SKA1: variants seen among roughly 807,000 people sequenced by gnomAD.
SKA1 encodes the protein SKA complex subunit 1.
In SKA1, 20 loss-of-function variants were observed where a neutral mutation model predicts 31.8. The observed-to-expected ratio is 0.63, with a 90% CI of 0.44 to 0.91. The LOEUF (loss-of-function observed/expected upper bound fraction) is 0.91, where lower values mean the gene tolerates loss of function less well. SKA1 is among the 40% of genes least tolerant of loss of function. The pLI, the probability that SKA1 is intolerant of heterozygous loss-of-function variation, is 0.00. For missense variants in SKA1, 253 were observed against 298.2 expected (o/e 0.85, Z 1.12); for synonymous variants, 88 against 100.5 (o/e 0.88, Z 0.74).
chr18:50,382,196 A>T lies in SKA1; in HGVS notation c.281A>T (p.His94Leu), dbSNP rs2041269151. The T allele has an allele frequency of 6.5e-7, 1 of 1,533,620 alleles. No individual in the cohort carries two copies. The highest frequency in any genetic ancestry group is 8.7e-7 in the Non-Finnish European group (1 of 1,148,832). Residue 94 changes from histidine to leucine, a missense_variant, in exon 4 of 7, where the codon CAT (histidine) becomes CTT (leucine). Transcript: ENST00000285116. ...CATCTTAAAGAAAACGTTCCTTCCC[A>T]TTTGCCTCAAGTAACAGTAACCCAG... ...IEHLKENVPS[H>L]LPQVTVTQSC...
rs955238705 is a variant in SKA1, at chr18:50,391,279, C to T, written c.605C>T (p.Thr202Met). The change falls in exon 6 of 7, where the codon ACG becomes ATG. Residue 202 changes from threonine to methionine, a missense_variant. Transcript: ENST00000285116. ...NLYHRFIDEE[T>M]KDTKGRYFIV... The stretch of plus-strand genomic sequence containing the variant: ...TATCACAGATTTATTGATGAAGAAA[C>T]GAAGGATACCAAAGGTAAAATGGCA... 40 of 1,592,006 alleles carry T rather than the reference C, an allele frequency of 2.5e-5. No homozygotes were observed. Among genetic ancestry groups the T allele is most frequent in the Middle Eastern group, 1.7e-4 (1 of 5,976 alleles).
intron 5 of SKA1, among the ~76,000 whole-genome samples, chr18:50,386,900 A>C (rs1036050382): frequency 3.3e-5 from 5 of 152,144 alleles, no homozygotes; most frequent in African/African-American, 9.7e-5. Context: ...CATTGTATGG[A>C]TGTATTGGTT....
intron 5 of SKA1, among the ~76,000 whole-genome samples, chr18:50,390,431 T>C (rs112104072): frequency 2.5e-3 from 384 of 152,336 alleles, no homozygotes; most frequent in Non-Finnish European, 4.4e-3. Flanking sequence ...CCTGTTTTTA[T>C]ATTGTAAGAC....
In SKA1 at chr18:50,385,271, C is replaced by T; in HGVS notation, c.367C>T (p.Pro123Ser). ...ACCAATCAAAGTTGAAGAACCTGAA[C>T]CCGTAAAGAAGCCTCCCAAAGAGCA... Reference protein sequence around the residue: ...EEPIKVEEPEPVKKPPKEQRS... With the variant: ...EEPIKVEEPESVKKPPKEQRS... The change falls in exon 5 of 7, where the codon CCC becomes TCC. Residue 123 changes from proline to serine, a missense_variant. By Grantham distance (74) the Pro-to-Ser change is moderately conservative. Transcript: ENST00000285116. The T allele has an allele frequency of 1.2e-6, 2 of 1,613,448 alleles. No individual in the cohort carries two copies. Among genetic ancestry groups the T allele is most frequent in the East Asian group, 2.2e-5 (1 of 44,792 alleles).
At chr18:50,382,019 C>T (rs2041267702) in intron 3 of SKA1, 110 bp from the exon 4 acceptor site, 1 of 695,606 alleles carries the variant, frequency 1.4e-6, no homozygotes, top group African/African-American at 1.9e-5. Flanking sequence ...GCCACCGCGT[C>T]CAGCCACAGT....
chr18:50,384,892 G>GAA (rs796154111), intron 4 of SKA1, among the ~76,000 whole-genome samples: 4 of 68,550 alleles, frequency 5.8e-5, no homozygotes, highest in East Asian at 4.3e-4. Context: ...AAAAAAAAAG[G>GAA]AAAAAAAAAA....
intron 4 of SKA1, among the ~76,000 whole-genome samples, chr18:50,383,537 T>C (rs2041279143): frequency 6.6e-6 from 1 of 152,240 alleles, no homozygotes; most frequent in African/African-American, 2.4e-5. Context: ...GACCTGGCTC[T>C]CTTGTTTCTC....
rs34062932 is a variant in SKA1 at position 50,392,734 on chromosome 18, CT to C, written c.*502del. ...GCTTATTTCTTGTTTTTTTCTTTTT[CT>C]TTTTTTTTTTTTTTGAGACAGTCTC... On this transcript the variant is annotated 3_prime_UTR_variant, in exon 7 of 7. Coordinates refer to ENST00000285116, the MANE Select transcript of SKA1 (RefSeq NM_145060.4). 75,222 of 130,612 alleles carry C rather than the reference CT, an allele frequency of 0.58. 20,774 individuals carry two copies. Among genetic ancestry groups the C allele is most frequent in the East Asian group, 0.86 (3,667 of 4,280 alleles). 8.1% of individuals were successfully genotyped at this position (130,612 alleles called of 1,614,324 possible).
At chr18:50,383,545 C>T (rs886818808) in intron 4 of SKA1, among the ~76,000 whole-genome samples, 1 of 152,172 alleles carries the variant, frequency 6.6e-6, no homozygotes, top group Non-Finnish European at 1.5e-5. Flanking sequence ...TCTCTTGTTT[C>T]TCTTGTTCCC....
rs77831099 is a variant in SKA1, at chr18:50,383,126, G to A, written c.311+900G>A. Among the ~76,000 whole-genome samples the A allele has an allele frequency of 7.8e-3, 1,190 of 152,138 alleles. 34 individuals are homozygous for A. In the East Asian group the frequency reaches 0.085, roughly 11 times the overall value. ...TCCTCTCTCTCTTCCCCCTTACAAGGTGTGTCTGTGCTTCTGCTTTTTCCC... is the reference window on the plus strand; with the variant it reads ...TCCTCTCTCTCTTCCCCCTTACAAGATGTGTCTGTGCTTCTGCTTTTTCCC... On this transcript the variant is annotated intron_variant, in intron 4 of 6. Coordinates refer to ENST00000285116, the MANE Select transcript of SKA1 (RefSeq NM_145060.4).
At chr18:50,381,782 G>A (rs897428842) in intron 3 of SKA1, among the ~76,000 whole-genome samples, 12 of 148,942 alleles carry the variant, frequency 8.1e-5, no homozygotes, top group African/African-American at 2.8e-4. Context: ...CTGGAGTGCA[G>A]TGGCGCGATC....
Position 50,393,604 on chromosome 18 carries a change from TG to T in SKA1, c.*1358del, listed in dbSNP as rs1479552911. ...AAAGTGTAATAAATGTACATTGAGT[TG>T]ATGTGATAATGTGATATAATAAGAA... is the stretch of plus-strand genomic sequence containing the variant. On this transcript the variant is annotated 3_prime_UTR_variant, in exon 7 of 7. Transcript: ENST00000285116. 2.6e-5 allele frequency: 4 copies of T among 152,216 alleles called. No homozygotes were observed. Among genetic ancestry groups the T allele is most frequent in the South Asian group, 2.1e-4 (1 of 4,826 alleles). 9.4% of individuals were successfully genotyped at this position (152,216 alleles called of 1,614,324 possible).
chr18:50,387,114 G>T (rs1379531555), intron 5 of SKA1, among the ~76,000 whole-genome samples: 2 of 152,184 alleles, frequency 1.3e-5, no homozygotes, highest in East Asian at 1.9e-4. Flanking sequence ...ATACCATTTT[G>T]CATTCCCACC....
At chr18:50,391,405 C>T in intron 6 of SKA1, 112 bp downstream of exon 6, 1 of 1,071,092 alleles carries the variant, frequency 9.3e-7, no homozygotes, top group Non-Finnish European at 1.3e-6. Context: ...AATTCCCAAC[C>T]AGGAGCAGTT....
chr18:50,387,063 C>A (rs539485867), intron 5 of SKA1, among the ~76,000 whole-genome samples: 1 of 152,170 alleles, frequency 6.6e-6, no homozygotes, highest in South Asian at 2.1e-4. Flanking sequence ...TGCTGAGTCA[C>A]GTAAGAGTAT....
At chr18:50,377,602 C>T (rs939958166) in intron 2 of SKA1, among the ~76,000 whole-genome samples, 5 of 152,134 alleles carry the variant, frequency 3.3e-5, no homozygotes, top group Admixed American at 6.5e-5. Flanking sequence ...AACAGATGAT[C>T]CTTGTCAAAT....
At chr18:50,384,496 C>G (rs1251175147) in intron 4 of SKA1, among the ~76,000 whole-genome samples, 1 of 152,066 alleles carries the variant, frequency 6.6e-6, no homozygotes. Context: ...AGGGGTGACC[C>G]ATGATCATTG....
intron 4 of SKA1, among the ~76,000 whole-genome samples, chr18:50,384,677 A>C (rs2041288881): frequency 1.8e-5 from 2 of 110,592 alleles, no homozygotes; most frequent in Non-Finnish European, 3.2e-5. Flanking sequence ...GGACACAGGA[A>C]GGGGAATATC....
Position 50,375,159 on chromosome 18 carries a change from G to C in SKA1, c.-47G>C, listed in dbSNP as rs1275366138. The C allele has an allele frequency of 6.6e-6, 1 of 152,466 alleles. No individual in the cohort carries two copies. The highest frequency in any genetic ancestry group is 1.5e-5 in the Non-Finnish European group (1 of 68,254). 9.4% of individuals were successfully genotyped at this position (152,466 alleles called of 1,614,324 possible). A position where few individuals can be genotyped will look rare whatever the true frequency, so the allele number is the denominator to read the frequency against. On this transcript the variant is annotated 5_prime_UTR_variant, in exon 1 of 7. Coordinates refer to ENST00000285116, the MANE Select transcript of SKA1 (RefSeq NM_145060.4). ...TGCGGTATCCGCAGCTGGAGACCCAGCGGCGAGTAGCCTTTTGCTCCCGGA... is the reference window on the plus strand; with the variant it reads ...TGCGGTATCCGCAGCTGGAGACCCACCGGCGAGTAGCCTTTTGCTCCCGGA...
Sources: allele counts gnomAD v4.1 joint callset (sites outside exome capture counted in the v4.1 genomes callset), GRCh38; gene constraint gnomAD v4.1.1; transcripts MANE v1.5; gene names NCBI Gene and HGNC (gene_info 2026-07-23, HGNC 2026-07-21).